ZNF385D: variants seen among roughly 807,000 people sequenced by gnomAD.
ZNF385D encodes the protein zinc finger protein 659.
Under a neutral mutation model 35.8 loss-of-function variants are expected in ZNF385D, and 15 were observed. That is an observed-to-expected ratio of 0.42 (90% CI 0.28 to 0.64). The LOEUF (loss-of-function observed/expected upper bound fraction) is 0.64. Among genes scored for constraint, ZNF385D ranks in the 30% least tolerant of loss-of-function variants. The probability of loss-of-function intolerance (pLI) is 0.23; values close to 1 mark genes in which losing one functional copy is unlikely to be tolerated. For missense variants in ZNF385D, 474 were observed against 494.6 expected, an observed-to-expected ratio of 0.96 and a Z score of 0.39; for synonymous variants, 212 against 186.8, an observed-to-expected ratio of 1.13 and a Z score of -1.10.
chr3:22,359,744 G>A lies in ZNF385D; in HGVS notation c.106+12706C>T, dbSNP rs527357867. On this transcript the variant is annotated intron_variant, in intron 2 of 5. Coordinates refer to the ZNF385D transcript ENST00000494108. ...AGATAACGGGAATGCCAGTTAAAAT[G>A]ATAGGAAATAGTGTCCTATACAGAT... is the stretch of plus-strand genomic sequence containing the variant. Among the ~76,000 whole-genome samples, 14 of 152,018 alleles carry A rather than the reference G, an allele frequency of 9.2e-5. No homozygotes were observed. In the South Asian group the frequency reaches 2.9e-3, roughly 31 times the overall value.
intron 2 of ZNF385D, among the ~76,000 whole-genome samples, chr3:21,629,045 AGATAATTAGTAAG>A (rs1326998204): frequency 1.3e-5 from 2 of 152,146 alleles, no homozygotes; most frequent in Non-Finnish European, 2.9e-5. Context: ...TACAATGAAC[AGATAATTAGTAAG>A]GTTTGGTTGG....
chr3:21,575,739 T>C (rs193004383), intron 2 of ZNF385D, among the ~76,000 whole-genome samples: 2 of 152,288 alleles, frequency 1.3e-5, no homozygotes, highest in Admixed American at 1.3e-4. Flanking sequence ...AAAATGTCTC[T>C]TGACTTTTTG....
At chr3:21,895,662 G>GA (rs1359128369) in intron 3 of ZNF385D, among the ~76,000 whole-genome samples, 6 of 151,932 alleles carry the variant, frequency 3.9e-5, no homozygotes, top group Admixed American at 2.0e-4. Flanking sequence ...TTTTAAACAT[G>GA]AAAGATTTCC....
chr3:22,300,574 A>G (rs1258633587), intron 2 of ZNF385D, among the ~76,000 whole-genome samples: 1 of 151,958 alleles, frequency 6.6e-6, no homozygotes, highest in Non-Finnish European at 1.5e-5. Flanking sequence ...ATATATAACA[A>G]ACTCAACAAT....
At chr3:22,295,401 A>G (rs1702517255) in intron 2 of ZNF385D, among the ~76,000 whole-genome samples, 2 of 152,148 alleles carry the variant, frequency 1.3e-5, no homozygotes, top group Non-Finnish European at 1.5e-5. Flanking sequence ...CATGCCTCCA[A>G]AGGCTGTGAT....
intron 1 of ZNF385D, among the ~76,000 whole-genome samples, chr3:21,667,890 C>T (rs921518323): frequency 2.0e-5 from 3 of 152,080 alleles, no homozygotes; most frequent in Non-Finnish European, 4.4e-5. Flanking sequence ...GGTCCTCTCT[C>T]AGTGTTGCAA....
chr3:22,329,569 A>G (rs1244530363), intron 2 of ZNF385D, among the ~76,000 whole-genome samples: 1 of 152,156 alleles, frequency 6.6e-6, no homozygotes, highest in Non-Finnish European at 1.5e-5. Flanking sequence ...AATTGTACAC[A>G]AATTTGTCAA....
intron 2 of ZNF385D, among the ~76,000 whole-genome samples, chr3:22,364,720 T>C (rs373487873): frequency 6.6e-6 from 1 of 152,142 alleles, no homozygotes; most frequent in South Asian, 2.1e-4. Flanking sequence ...TTATGTCATC[T>C]AGCAATTCTG....
At chr3:21,488,643 ATCATCCTGAATC>A (rs1299927925) in intron 4 of ZNF385D, among the ~76,000 whole-genome samples, 29 of 152,062 alleles carry the variant, frequency 1.9e-4, no homozygotes, top group Admixed American at 1.9e-3. Context: ...TATCCTCCCA[ATCATCCTGAATC>A]TCAGCTTTCT....
At position 21,907,142 on chromosome 3, in the gene ZNF385D, G is replaced by A. The variant is rs76624300; in HGVS notation, c.326-242114C>T. ...ACTTACACCTCTTCAATAGGCAGTC[G>A]GGCAATCCAATGGTCTCTTAATCTT... On this transcript the variant is annotated intron_variant, in intron 3 of 5. Transcript: ENST00000494108. Among the ~76,000 whole-genome samples, 99 of 152,076 alleles carry A rather than the reference G, an allele frequency of 6.5e-4. 2 individuals carry two copies. In the East Asian group the frequency reaches 0.018, roughly 27 times the overall value.
intron 3 of ZNF385D, among the ~76,000 whole-genome samples, chr3:22,006,787 A>G (rs1448449908): frequency 6.6e-6 from 1 of 152,020 alleles, no homozygotes; most frequent in Admixed American, 6.6e-5. Flanking sequence ...ATGAGCTTAT[A>G]AAGAATAAAA....
At chr3:22,219,166 G>C (rs1451267531) in intron 2 of ZNF385D, among the ~76,000 whole-genome samples, 1 of 151,986 alleles carries the variant, frequency 6.6e-6, no homozygotes, top group Non-Finnish European at 1.5e-5. Flanking sequence ...AAATATCTTG[G>C]AACTGACTAT....
chr3:21,889,937 CTGTGTGTG>C (rs1698761899), intron 3 of ZNF385D, among the ~76,000 whole-genome samples: 1 of 140,694 alleles, frequency 7.1e-6, no homozygotes, highest in Non-Finnish European at 1.6e-5. Flanking sequence ...CATAGCATCT[CTGTGTGTG>C]CCTGTGTGTG....
chr3:22,300,041 G>C (rs1434900997), intron 2 of ZNF385D, among the ~76,000 whole-genome samples: 1 of 151,744 alleles, frequency 6.6e-6, no homozygotes, highest in Non-Finnish European at 1.5e-5. Context: ...GGTACCACAT[G>C]ACTTGACTTT....
intron 3 of ZNF385D, among the ~76,000 whole-genome samples, chr3:21,940,330 G>T (rs1701455850): frequency 6.6e-6 from 1 of 152,118 alleles, no homozygotes; most frequent in Non-Finnish European, 1.5e-5. Context: ...CCATTTAGTG[G>T]CAAGTTGCTT....
At chr3:22,206,848 T>C (rs1697190598) in intron 2 of ZNF385D, among the ~76,000 whole-genome samples, 1 of 151,758 alleles carries the variant, frequency 6.6e-6, no homozygotes, top group South Asian at 2.1e-4. Context: ...AACCTGATAA[T>C]GCACCTTAAA....
intron 2 of ZNF385D, among the ~76,000 whole-genome samples, chr3:22,301,971 C>T (rs1702925982): frequency 6.6e-6 from 1 of 151,938 alleles, no homozygotes; most frequent in Non-Finnish European, 1.5e-5. Context: ...GTGTGTATAT[C>T]CTTTTTAATC....
At chr3:21,902,994 A>G (rs543128695) in intron 3 of ZNF385D, among the ~76,000 whole-genome samples, 249 of 152,236 alleles carry the variant, frequency 1.6e-3, no homozygotes, top group African/African-American at 5.8e-3. Flanking sequence ...TGAGACCACA[A>G]CTCAAACTTC....
intron 3 of ZNF385D, among the ~76,000 whole-genome samples, chr3:21,517,290 A>C (rs1707631748): frequency 1.3e-5 from 2 of 151,962 alleles, no homozygotes; most frequent in South Asian, 4.2e-4. Flanking sequence ...AGTGAAGCCA[A>C]ACGACTGCCG....
Sources: allele counts gnomAD v4.1 joint callset (sites outside exome capture counted in the v4.1 genomes callset), GRCh38; gene constraint gnomAD v4.1.1; transcripts MANE v1.5; gene names NCBI Gene and HGNC (gene_info 2026-07-23, HGNC 2026-07-21).